LARGE1: variants seen among roughly 807,000 people sequenced by gnomAD.
LARGE1 encodes the protein LARGE xylosyl- and glucuronyltransferase 1, also known as xylosyl- and glucuronyltransferase LARGE1.
Under a neutral mutation model 87.6 loss-of-function variants are expected in LARGE1, and 43 were observed. The ratio of observed to expected loss-of-function variants is 0.49; its 90% confidence interval spans 0.38 to 0.63. The LOEUF (loss-of-function observed/expected upper bound fraction) is 0.63, where lower values mean the gene tolerates loss of function less well. Among genes scored for constraint, LARGE1 ranks in the 30% least tolerant of loss-of-function variants. LARGE1 has a pLI of 0.00. For missense variants in LARGE1, 802 were observed against 1,000.2 expected (o/e 0.80, Z 2.67); for synonymous variants, 434 against 394.6 (o/e 1.10, Z -1.18).
At chr22:33,455,087 G>A (rs1237680773) in intron 6 of LARGE1, among the ~76,000 whole-genome samples, 1 of 152,246 alleles carries the variant, frequency 6.6e-6, no homozygotes, top group Non-Finnish European at 1.5e-5. Context: ...CAGAAGGTCT[G>A]TCAGTGTGTT....
intron 6 of LARGE1, among the ~76,000 whole-genome samples, chr22:33,532,435 T>A (rs1187223843): frequency 6.6e-6 from 1 of 152,220 alleles, no homozygotes; most frequent in Non-Finnish European, 1.5e-5. Flanking sequence ...AGGGGGAGAC[T>A]AAAGAACAGC....
At chr22:33,214,772 T>C (rs895665453) in intron 11 of LARGE1, among the ~76,000 whole-genome samples, 1 of 152,198 alleles carries the variant, frequency 6.6e-6, no homozygotes, top group Non-Finnish European at 1.5e-5. Context: ...TCACATGAAA[T>C]TATCTGTTTT....
At chr22:33,688,776 TC>T (rs1402395692) in intron 2 of LARGE1, among the ~76,000 whole-genome samples, 1 of 152,132 alleles carries the variant, frequency 6.6e-6, no homozygotes, top group Non-Finnish European at 1.5e-5. Flanking sequence ...AAAGCCTTCC[TC>T]CCTTGCTGGG....
intron 9 of LARGE1, among the ~76,000 whole-genome samples, chr22:33,349,514 C>T (rs1940154947): frequency 6.6e-6 from 1 of 152,152 alleles, no homozygotes; most frequent in Non-Finnish European, 1.5e-5. Flanking sequence ...CTGGATCCTT[C>T]AATGCAAGAG....
Position 33,274,082 on chromosome 22 carries a change from T to C in LARGE1, c.*345A>G. The C allele has an allele frequency of 4.6e-6, 2 of 439,348 alleles. No homozygotes were observed. Among genetic ancestry groups the C allele is most frequent in the South Asian group, 5.5e-5 (2 of 36,258 alleles). The allele number at this position is 439,348 out of a possible 1,614,324, so 27.2% of individuals were successfully genotyped here. ...CAGTTATGATGGGAAGCATAATTATTAAAAAGCATCCAGAACATCCTAAAG... is the reference window on the plus strand; with the variant it reads ...CAGTTATGATGGGAAGCATAATTATCAAAAAGCATCCAGAACATCCTAAAG... On this transcript the variant is annotated 3_prime_UTR_variant, in exon 15 of 15. Transcript: ENST00000397394.
intron 9 of LARGE1, among the ~76,000 whole-genome samples, chr22:33,372,116 T>C (rs1466346370): frequency 1.3e-5 from 2 of 152,132 alleles, no homozygotes; most frequent in African/African-American, 4.8e-5. Flanking sequence ...AAAACACTCA[T>C]CAAATGTCTG....
intron 7 of LARGE1, among the ~76,000 whole-genome samples, chr22:33,415,282 A>G (rs1296927573): frequency 6.6e-6 from 1 of 152,250 alleles, no homozygotes; most frequent in Non-Finnish European, 1.5e-5. Context: ...ATTAGCAAAG[A>G]GAGAGGAAAA....
intron 1 of LARGE1, among the ~76,000 whole-genome samples, chr22:33,798,986 C>G (rs1331806571): frequency 3.3e-5 from 5 of 152,178 alleles, no homozygotes; most frequent in Non-Finnish European, 5.9e-5. Context: ...AACAACAACA[C>G]TGTGGACCCT....
chr22:33,207,264 G>A (rs1206612988), intron 11 of LARGE1, among the ~76,000 whole-genome samples: 3 of 152,196 alleles, frequency 2.0e-5, no homozygotes, highest in African/African-American at 7.2e-5. Context: ...TCCTCCTAAT[G>A]CTTTGGAGTT....
At chr22:33,208,371 C>T (rs1007487639) in intron 11 of LARGE1, among the ~76,000 whole-genome samples, 7 of 152,166 alleles carry the variant, frequency 4.6e-5, no homozygotes, top group Non-Finnish European at 5.9e-5. Flanking sequence ...CAATCCAAGT[C>T]GTCTTCAAAG....
At chr22:33,412,614 G>C (rs1444751413) in intron 7 of LARGE1, among the ~76,000 whole-genome samples, 1 of 152,128 alleles carries the variant, frequency 6.6e-6, no homozygotes, top group African/African-American at 2.4e-5. Flanking sequence ...TTTTTCAAAT[G>C]ACATATTTCA....
intron 5 of LARGE1, among the ~76,000 whole-genome samples, chr22:33,585,906 C>T (rs960030764): frequency 4.6e-5 from 7 of 152,188 alleles, no homozygotes; most frequent in African/African-American, 1.7e-4. Context: ...ACCATGTTGG[C>T]CAGGCTGGTC....
chr22:33,344,471 G>A (rs561700529), intron 9 of LARGE1, among the ~76,000 whole-genome samples: 1 of 152,202 alleles, frequency 6.6e-6, no homozygotes, highest in Admixed American at 6.5e-5. Flanking sequence ...TTTTTCCTGG[G>A]AAGGGCGCAT....
chr22:33,538,723 C>T (rs988038484), intron 6 of LARGE1, among the ~76,000 whole-genome samples: 1 of 152,100 alleles, frequency 6.6e-6, no homozygotes, highest in Non-Finnish European at 1.5e-5. Flanking sequence ...CAAAGTAACT[C>T]AATGAAGGGG....
At chr22:33,649,615 ACT>A (rs1425212933) in intron 3 of LARGE1, among the ~76,000 whole-genome samples, 2 of 152,160 alleles carry the variant, frequency 1.3e-5, no homozygotes, top group East Asian at 3.9e-4. Context: ...GATCAAGGGT[ACT>A]CTCTGCATAA....
At chr22:33,466,717 C>CACACACAA (rs2068631876) in intron 6 of LARGE1, among the ~76,000 whole-genome samples, 1 of 151,296 alleles carries the variant, frequency 6.6e-6, no homozygotes, top group Non-Finnish European at 1.5e-5. Flanking sequence ...CACACACATA[C>CACACACAA]ACACACACAC....
intron 2 of LARGE1, among the ~76,000 whole-genome samples, chr22:33,697,454 T>A (rs1026530354): frequency 1.5e-4 from 21 of 137,020 alleles, no homozygotes; most frequent in African/African-American, 5.5e-4. Context: ...CCCAGCACTT[T>A]GGGAGCCCAA....
At chr22:33,509,107 G>T (rs1006283179) in intron 6 of LARGE1, among the ~76,000 whole-genome samples, 1 of 152,084 alleles carries the variant, frequency 6.6e-6, no homozygotes, top group Non-Finnish European at 1.5e-5. Flanking sequence ...AAAATGATCC[G>T]CCTAACCCAG....
chr22:33,859,724 T>C (rs1234817749), intron 1 of LARGE1, among the ~76,000 whole-genome samples: 2 of 152,190 alleles, frequency 1.3e-5, no homozygotes, highest in Non-Finnish European at 2.9e-5. Context: ...TTATGACATG[T>C]ATGGTTCATC....
Sources: gnomAD v4.1 joint callset for allele counts (sites outside exome capture counted in the v4.1 genomes callset) on GRCh38, gnomAD v4.1.1 for gene constraint, MANE v1.5 for transcripts, NCBI Gene and HGNC (gene_info 2026-07-23, HGNC 2026-07-21) for gene names.